Variants in TMOD1 observed in about 807,000 individuals in gnomAD.
The protein encoded by TMOD1 is tropomodulin 1.
A neutral mutation model predicts 40.6 loss-of-function variants in TMOD1; 17 were observed. The ratio of observed to expected loss-of-function variants is 0.42; its 90% CI spans 0.29 to 0.63. TMOD1 has a LOEUF of 0.63. Among genes scored for constraint, TMOD1 ranks in the 20% least tolerant of loss-of-function variants. The probability of loss-of-function intolerance (pLI) is 0.22; values close to 1 mark genes in which losing one functional copy is unlikely to be tolerated. For synonymous variants in TMOD1, 181 were observed against 175.0 expected, an observed-to-expected ratio of 1.03 and a Z score of -0.27; for missense variants, 391 against 447.6, an observed-to-expected ratio of 0.87 and a Z score of 1.14.
intron 2 of TMOD1, among the ~76,000 whole-genome samples, 189 bp downstream of exon 2, chr9:97,524,497 G>GGGGTGTGT (rs561183211): frequency 0.014 from 2,026 of 142,998 alleles, 47 homozygotes; most frequent in East Asian, 0.093. Flanking sequence ...GAACCAATAG[G>GGGGTGTGT]GTGTGTGTGT....
intron 9 of TMOD1, among the ~76,000 whole-genome samples, chr9:97,596,293 C>A (rs1239563515): frequency 2.0e-5 from 3 of 152,116 alleles, no homozygotes; most frequent in African/African-American, 7.2e-5. Context: ...TGGCACTCAT[C>A]CCAAGTCTCC....
chr9:97,594,385 C>T (rs950582607), intron 9 of TMOD1, among the ~76,000 whole-genome samples: 3 of 152,222 alleles, frequency 2.0e-5, no homozygotes, highest in African/African-American at 4.8e-5. Context: ...ACATTAATGC[C>T]GCAGTGAAGC....
Position 97,601,202 on chromosome 9 carries a change from C to G in TMOD1, c.*1504C>G. The G allele has an allele frequency of 7.7e-7, 1 of 1,292,348 alleles. No homozygotes were observed. The highest frequency in any genetic ancestry group is 1.0e-6 in the Non-Finnish European group (1 of 981,934). 80.1% of individuals were successfully genotyped at this position (1,292,348 alleles called of 1,614,324 possible). ...TCTCCTTAAAACACAATTGCAGCTG[C>G]ATTCTGCATCGCTGAAAACTGCAAT... On this transcript the variant is annotated 3_prime_UTR_variant, in exon 10 of 10. Transcript: ENST00000259365.
intron 8 of TMOD1, among the ~76,000 whole-genome samples, chr9:97,579,461 T>C (rs1190920802): frequency 6.6e-6 from 1 of 152,160 alleles, no homozygotes; most frequent in African/African-American, 2.4e-5. Flanking sequence ...TTGCTGGTTT[T>C]TGTAGTGACG....
intron 4 of TMOD1, among the ~76,000 whole-genome samples, chr9:97,559,023 C>A (rs897006151): frequency 2.0e-5 from 3 of 152,226 alleles, no homozygotes; most frequent in African/African-American, 7.2e-5. Flanking sequence ...TCACAGGAAG[C>A]TGGCATCTGT....
intron 3 of TMOD1, 70 bp downstream of exon 3, chr9:97,546,411 C>G: frequency 6.6e-7 from 1 of 1,512,558 alleles, no homozygotes; most frequent in Non-Finnish European, 9.0e-7. Flanking sequence ...GTATGCCAGG[C>G]CCTGCCAGGC....
At chr9:97,543,155 T>A (rs1043818345) in intron 2 of TMOD1, among the ~76,000 whole-genome samples, 1 of 152,222 alleles carries the variant, frequency 6.6e-6, no homozygotes, top group Non-Finnish European at 1.5e-5. Context: ...ATTTCTTCTA[T>A]CGCAATACTT....
chr9:97,591,466 G>A (rs371905862), intron 9 of TMOD1, 31 bp downstream of exon 9: 447 of 1,607,148 alleles, frequency 2.8e-4, no homozygotes, highest in Non-Finnish European at 3.4e-4. Flanking sequence ...TGCCCTGCCC[G>A]CAGTCCTGTT....
chr9:97,560,295 AC>A (rs922503969), intron 4 of TMOD1, among the ~76,000 whole-genome samples: 3 of 152,104 alleles, frequency 2.0e-5, no homozygotes, highest in Non-Finnish European at 2.9e-5. Flanking sequence ...TGAGGCATAC[AC>A]CAGGTGCTGT....
Position 97,567,652 on chromosome 9 carries a change from GGT to G in TMOD1, c.727-1240_727-1239del, listed in dbSNP as rs201413266. On this transcript the variant is annotated intron_variant, in intron 7 of 9. Transcript: ENST00000259365. ...CCTTTCCTGGGAGCAGGAAGGTTCT[GGT>G]GGAAGACACAGAGAGGACTCTGGCT... is the stretch of plus-strand genomic sequence containing the variant. Among the ~76,000 whole-genome samples, 154 of 152,258 alleles carry G rather than the reference GGT, an allele frequency of 1.0e-3. 3 individuals are homozygous for G. In the East Asian group the frequency reaches 0.029, roughly 28 times the overall value.
At chr9:97,587,799 C>G (rs1056441017) in intron 8 of TMOD1, among the ~76,000 whole-genome samples, 1 of 152,198 alleles carries the variant, frequency 6.6e-6, no homozygotes, top group Admixed American at 6.5e-5. Context: ...TCCTTTCCAT[C>G]GCTATGGATT....
rs547912941 is a variant in TMOD1, at chr9:97,575,648, A to G, written c.870+6611A>G. Reference sequence around the variant, plus strand: ...TGAAGTATTCCCAGTTGTCCATATCATCTGGGAATGGCCAGAATTGGCTCC... The same window carrying G: ...TGAAGTATTCCCAGTTGTCCATATCGTCTGGGAATGGCCAGAATTGGCTCC... On this transcript the variant is annotated intron_variant, in intron 8 of 9. Coordinates refer to ENST00000259365, the MANE Select transcript of TMOD1 (RefSeq NM_003275.4). 2.0e-5 allele frequency among the ~76,000 whole-genome samples: 3 copies of G among 152,324 alleles called. No homozygotes were observed. In the South Asian group the frequency reaches 6.2e-4, roughly 32 times the overall value.
chr9:97,538,053 A>G (rs1198929541), intron 2 of TMOD1, among the ~76,000 whole-genome samples: 1 of 152,200 alleles, frequency 6.6e-6, no homozygotes, highest in Admixed American at 6.5e-5. Context: ...AGATCTAATA[A>G]CAACATCCAC....
chr9:97,574,574 A>G (rs758930263), intron 8 of TMOD1, among the ~76,000 whole-genome samples: 3 of 152,246 alleles, frequency 2.0e-5, no homozygotes, highest in Non-Finnish European at 2.9e-5. Flanking sequence ...AGGGCGCGGG[A>G]CTGGCAGGCA....
In TMOD1 at chr9:97,601,027, A is replaced by G; in HGVS notation, c.*1329A>G. Reference sequence around the variant, plus strand: ...CAGAGAGGCTGGTGATGAAAAGGTGAAGGCCTGCGCACTGAACTGTAAGGC... The same window carrying G: ...CAGAGAGGCTGGTGATGAAAAGGTGGAGGCCTGCGCACTGAACTGTAAGGC... On this transcript the variant is annotated 3_prime_UTR_variant, in exon 10 of 10. Transcript: ENST00000259365. The G allele has an allele frequency of 7.7e-7, 1 of 1,297,722 alleles. No homozygotes were observed. The highest frequency in any genetic ancestry group is 1.2e-5 in the South Asian group (1 of 80,124). The allele number at this position is 1,297,722 out of a possible 1,614,324, so 80.4% of individuals were successfully genotyped here.
At chr9:97,511,890 TC>T (rs1829705997) in intron 1 of TMOD1, among the ~76,000 whole-genome samples, 1 of 151,900 alleles carries the variant, frequency 6.6e-6, no homozygotes, top group African/African-American at 2.4e-5. Context: ...CAGCTGGCCC[TC>T]AGGCAGTTTT....
chr9:97,567,956 A>G (rs779156582), intron 7 of TMOD1, among the ~76,000 whole-genome samples: 68 of 152,246 alleles, frequency 4.5e-4, no homozygotes, highest in Non-Finnish European at 4.9e-4. Flanking sequence ...TCCATGACGC[A>G]TCGTTTCCAC....
At position 97,513,598 on chromosome 9, in the gene TMOD1, T is replaced by A. The variant is rs1368238241; in HGVS notation, c.-48-10543T>A. On this transcript the variant is annotated intron_variant, in intron 1 of 9. Transcript: ENST00000259365. The surrounding 1 kb of genome is among the most constrained non-coding windows in gnomAD (Gnocchi z 4.1). ...GAGTCTTATCTCCCCATGTTAATTATAAGCGCCTGAGAGCTAGGACTTCTT... is the reference window on the plus strand; with the variant it reads ...GAGTCTTATCTCCCCATGTTAATTAAAAGCGCCTGAGAGCTAGGACTTCTT... The A allele has an allele frequency of 6.6e-6, 1 of 152,234 alleles. No homozygotes were observed. Among genetic ancestry groups the A allele is most frequent in the Non-Finnish European group, 1.5e-5 (1 of 68,056 alleles). The allele number at this position is 152,234 out of a possible 1,614,324, so 9.4% of individuals were successfully genotyped here.
intron 1 of TMOD1, among the ~76,000 whole-genome samples, chr9:97,521,342 A>G (rs1177190033): frequency 6.6e-6 from 1 of 152,196 alleles, no homozygotes; most frequent in Non-Finnish European, 1.5e-5. Context: ...GGAACTTCAT[A>G]TAACCCAAAA....
Sources: gnomAD v4.1 joint callset for allele counts (sites outside exome capture counted in the v4.1 genomes callset) on GRCh38, gnomAD v4.1.1 for gene constraint, Gnocchi (gnomAD v3.1) non-coding constraint, MANE v1.5 for transcripts, NCBI Gene and HGNC (gene_info 2026-07-23, HGNC 2026-07-21) for gene names.